The following CNTN6 variants were observed in gnomAD, a reference collection of about 807,000 sequenced individuals.
CNTN6 encodes contactin-6.
CNTN6 carries 137 observed loss-of-function variants against 122.8 expected under a neutral mutation model. The observed-to-expected ratio is 1.12, with a 90% CI of 0.97 to 1.29. The LOEUF (loss-of-function observed/expected upper bound fraction) is 1.29, where lower values mean the gene tolerates loss of function less well. Ranked by LOEUF, CNTN6 falls within the 50% of genes most tolerant of loss-of-function variation. The pLI is 0.00. For missense variants in CNTN6, 1,634 were observed against 1,223.4 expected (o/e 1.34, Z -5.01); for synonymous variants, 570 against 426.0 (o/e 1.34, Z -4.16).
chr3:1,295,431 C>A (rs892453192), intron 5 of CNTN6, among the ~76,000 whole-genome samples, 170 bp from the exon 6 acceptor site: 25 of 152,074 alleles, frequency 1.6e-4, no homozygotes, highest in Non-Finnish European at 2.9e-5. Context: ...AGCTATATTT[C>A]AATATAAGGG....
chr3:1,190,028 TCA>T (rs1321200820), intron 2 of CNTN6, among the ~76,000 whole-genome samples: 1 of 152,188 alleles, frequency 6.6e-6, no homozygotes, highest in Non-Finnish European at 1.5e-5. Flanking sequence ...CATTTACTTC[TCA>T]CAGTCCTGGC....
chr3:1,183,199 T>C (rs1343411576), intron 2 of CNTN6, among the ~76,000 whole-genome samples: 1 of 152,170 alleles, frequency 6.6e-6, no homozygotes, highest in African/African-American at 2.4e-5. Flanking sequence ...GTATTCATTC[T>C]AACATCAAAA....
At chr3:1,232,955 C>G (rs546551212) in intron 4 of CNTN6, among the ~76,000 whole-genome samples, 1 of 152,170 alleles carries the variant, frequency 6.6e-6, no homozygotes, top group Middle Eastern at 3.4e-3. Context: ...CTTCAAGTAT[C>G]GAAGAAAGTG....
In CNTN6 at chr3:1,317,000, C is replaced by T. The variant is rs550630880; in HGVS notation, c.762-4650C>T. On this transcript the variant is annotated intron_variant, in intron 7 of 22. Coordinates refer to ENST00000446702, the MANE Select transcript of CNTN6 (RefSeq NM_001289080.2). The stretch of plus-strand genomic sequence containing the variant: ...CTGTGTTTTGCATTTATTCTTTCTG[C>T]CTCTGTACCTTACATTACCAATGAT... 2.4e-4 allele frequency among the ~76,000 whole-genome samples: 37 copies of T among 151,896 alleles called. 1 individual carries two copies. Among genetic ancestry groups the T allele is most frequent in the Admixed American group, 7.9e-4 (12 of 15,188 alleles).
At chr3:1,289,475 G>A (rs1694912383) in intron 5 of CNTN6, among the ~76,000 whole-genome samples, 1 of 152,086 alleles carries the variant, frequency 6.6e-6, no homozygotes, top group African/African-American at 2.4e-5. Flanking sequence ...TGGTTGGGCT[G>A]GCAAGTCTCG....
At chr3:1,318,100 GGAAAGAAA>G (rs989250452) in intron 7 of CNTN6, among the ~76,000 whole-genome samples, 2 of 150,102 alleles carry the variant, frequency 1.3e-5, no homozygotes, top group Admixed American at 6.7e-5. Flanking sequence ...AAAGAGAGAA[GGAAAGAAA>G]GAAAGAAAGA....
intron 1 of CNTN6, among the ~76,000 whole-genome samples, chr3:1,112,518 G>A (rs936370400): frequency 2.0e-5 from 3 of 152,124 alleles, no homozygotes; most frequent in Admixed American, 6.6e-5. Flanking sequence ...GGAGGCAGGA[G>A]ACTAGTGTAG....
chr3:1,271,152 A>G (rs1207515648), intron 4 of CNTN6, among the ~76,000 whole-genome samples: 3 of 152,306 alleles, frequency 2.0e-5, no homozygotes, highest in Non-Finnish European at 4.4e-5. Flanking sequence ...TGCTGGGATT[A>G]CAGGCTGGAG....
chr3:1,227,526 T>C (rs564247797), intron 3 of CNTN6, among the ~76,000 whole-genome samples: 1 of 152,334 alleles, frequency 6.6e-6, no homozygotes, highest in Non-Finnish European at 1.5e-5. Flanking sequence ...TTGGCCAGTA[T>C]TATTGACTGA....
chr3:1,129,129 A>G (rs1439960499), intron 1 of CNTN6, among the ~76,000 whole-genome samples: 1 of 152,088 alleles, frequency 6.6e-6, no homozygotes, highest in Non-Finnish European at 1.5e-5. Flanking sequence ...ATTGGTTTAA[A>G]AAGGAAGTTA....
At chr3:1,150,678 G>C (rs1000283634) in intron 2 of CNTN6, among the ~76,000 whole-genome samples, 8 of 152,156 alleles carry the variant, frequency 5.3e-5, no homozygotes, top group African/African-American at 1.7e-4. Flanking sequence ...CTTTTTAACT[G>C]TTTCATTGAT....
At position 1,402,406 on chromosome 3, in the gene CNTN6, A is replaced by G; in HGVS notation, c.2906A>G (p.Asp969Gly). The part of the protein sequence containing the change: ...SAELLVPFEE[D>G]YLIEIRTVSD... The stretch of plus-strand genomic sequence containing the variant: ...GAGCTTCTGGTTCCATTTGAAGAAG[A>G]CTACTTAATTGAAATAAGAACAGTC... The change falls in exon 22 of 23, where the codon GAC becomes GGC. Residue 969 changes from aspartate to glycine, a missense_variant. By Grantham distance (94) the Asp-to-Gly change is moderately conservative. Coordinates refer to ENST00000446702, the MANE Select transcript of CNTN6 (RefSeq NM_001289080.2). The G allele has an allele frequency of 1.2e-6, 2 of 1,612,586 alleles. No homozygotes were observed. The highest frequency in any genetic ancestry group is 1.7e-6 in the Non-Finnish European group (2 of 1,178,998).
chr3:1,178,448 G>T (rs1264621851), intron 2 of CNTN6, among the ~76,000 whole-genome samples: 2 of 152,054 alleles, frequency 1.3e-5, no homozygotes, highest in Non-Finnish European at 2.9e-5. Flanking sequence ...TCTATCTATT[G>T]AAATTAGCCT....
chr3:1,274,563 T>A (rs1691972994), intron 4 of CNTN6, among the ~76,000 whole-genome samples: 1 of 152,178 alleles, frequency 6.6e-6, no homozygotes, highest in Non-Finnish European at 1.5e-5. Context: ...TGAATCTATC[T>A]TATTGAACTC....
At chr3:1,400,276 G>A (rs1468338899) in intron 20 of CNTN6, among the ~76,000 whole-genome samples, 2 of 151,984 alleles carry the variant, frequency 1.3e-5, no homozygotes, top group Admixed American at 6.6e-5. Context: ...ATAGTCATGT[G>A]GACTCAGATA....
At chr3:1,375,772 A>G (rs1235249653) in intron 16 of CNTN6, among the ~76,000 whole-genome samples, 2 of 152,112 alleles carry the variant, frequency 1.3e-5, no homozygotes, top group Non-Finnish European at 1.5e-5. Context: ...TAAAGCTGAC[A>G]AAGTTAAGGG....
intron 4 of CNTN6, among the ~76,000 whole-genome samples, chr3:1,234,058 T>G (rs1474872473): frequency 6.6e-6 from 1 of 152,212 alleles, no homozygotes; most frequent in Non-Finnish European, 1.5e-5. Context: ...GCCATTCATC[T>G]TTATTCTATA....
At chr3:1,231,131 C>G in intron 4 of CNTN6, among the ~76,000 whole-genome samples, 1 of 152,170 alleles carries the variant, frequency 6.6e-6, no homozygotes, top group East Asian at 1.9e-4. Context: ...AGGATATCCT[C>G]AATAAATCAT....
At chr3:1,372,774 A>G (rs1575922600) in intron 13 of CNTN6, 64 bp from the exon 14 acceptor site, 1 of 954,568 alleles carries the variant, frequency 1.0e-6, no homozygotes, top group East Asian at 2.4e-5. Flanking sequence ...TCCAGCTGTA[A>G]CAATAAAGTA....
Sources: allele counts gnomAD v4.1 joint callset (sites outside exome capture counted in the v4.1 genomes callset), GRCh38; gene constraint gnomAD v4.1.1; transcripts MANE v1.5; gene names NCBI Gene and HGNC (gene_info 2026-07-23, HGNC 2026-07-21).